Variants in THNSL1 observed in about 807,000 individuals in gnomAD.
The protein encoded by THNSL1 is threonine synthase like 1.
In THNSL1, 48 loss-of-function variants were observed where a neutral mutation model predicts 50.4. That is an observed-to-expected ratio of 0.95 (90% CI 0.76 to 1.21). The LOEUF is 1.21. THNSL1 is among the 50% of genes most tolerant of loss of function. THNSL1 has a pLI of 0.00. For missense variants in THNSL1, 896 were observed against 871.7 expected (o/e 1.03, Z -0.35); for synonymous variants, 309 against 306.1 (o/e 1.01, Z -0.10).
At chr10:25,020,274 CTA>C (rs370068893) in intron 1 of THNSL1, among the ~76,000 whole-genome samples, 167 of 97,452 alleles carry the variant, frequency 1.7e-3, no homozygotes, top group Middle Eastern at 0.011. Context: ...ATATCTATAT[CTA>C]TATATATCTA....
the THNSL1 span, among the ~76,000 whole-genome samples, chr10:24,993,292 T>C: frequency 6.6e-6 from 1 of 152,248 alleles, no homozygotes; most frequent in Admixed American, 6.5e-5. Context: ...TATATTATAC[T>C]ATTCACTCTT....
chr10:25,024,678 C>T lies in THNSL1; in HGVS notation c.1455C>T (p.Ser485=), dbSNP rs376754802. 164 of 1,614,074 alleles carry T rather than the reference C, an allele frequency of 1.0e-4. No individual in the cohort carries two copies. The highest frequency in any genetic ancestry group is 2.2e-4 in the Admixed American group (13 of 59,998). ...TTCCGCAGGTAGTTTATCATGCTTC[C>T]GCATATCTTGATCTTGTTAGTCAAG... ...RLLPQVVYHA[S]AYLDLVSQGF... is the part of the protein sequence containing the mutation. The change falls in exon 3 of 3, where the codon TCC becomes TCT. Residue 485 remains serine (S), a synonymous_variant. Coordinates refer to ENST00000376356, the MANE Select transcript of THNSL1 (RefSeq NM_024838.5).
Position 25,024,431 on chromosome 10 carries a change from T to C in THNSL1, c.1208T>C (p.Val403Ala). The change falls in exon 3 of 3, where the codon GTG becomes GCG. Residue 403 changes from valine to alanine, a missense_variant. Physicochemically the swap from Val to Ala is moderately conservative, Grantham distance 64 (BLOSUM62 0). Coordinates refer to ENST00000376356, the MANE Select transcript of THNSL1 (RefSeq NM_024838.5). ...AAGAATGATAAGCAAAGGATAGCTG[T>C]GGTTGCATTTTTTCCTGAGAATGGA... is the stretch of plus-strand genomic sequence containing the variant. ...LNKNDKQRIA[V>A]VAFFPENGVS... is the part of the protein sequence containing the mutation. 6.2e-7 allele frequency: 1 copy of C among 1,614,048 alleles called. No individual in the cohort carries two copies. The highest frequency in any genetic ancestry group is 8.5e-7 in the Non-Finnish European group (1 of 1,180,020).
chr10:24,987,537 C>A, the THNSL1 span, among the ~76,000 whole-genome samples: 1 of 152,060 alleles, frequency 6.6e-6, no homozygotes, highest in African/African-American at 2.4e-5. Flanking sequence ...AGCAGTGAGC[C>A]GTGATTGTGC....
the THNSL1 span, among the ~76,000 whole-genome samples, chr10:24,980,465 T>C: frequency 3.8e-4 from 58 of 152,284 alleles, no homozygotes; most frequent in East Asian, 1.4e-3. Flanking sequence ...CTGTTTTTTT[T>C]CTTCCAAAAC....
At chr10:24,999,293 G>T in the THNSL1 span, 1 of 1,092,042 alleles carries the variant, frequency 9.2e-7, no homozygotes, top group South Asian at 1.7e-5. Context: ...TTAATATGAG[G>T]TAAAGCTGCT....
the THNSL1 span, chr10:24,953,586 T>G: frequency 2.6e-5 from 4 of 152,342 alleles, no homozygotes; most frequent in African/African-American, 7.2e-5. Flanking sequence ...TGTCCACTCC[T>G]GTAGGTTCCT....
chr10:24,990,442 T>C, the THNSL1 span: 1 of 1,597,040 alleles, frequency 6.3e-7, no homozygotes, highest in Non-Finnish European at 8.5e-7. Context: ...TACAGATGAA[T>C]GTAAATGGCA....
the THNSL1 span, among the ~76,000 whole-genome samples, chr10:25,006,983 T>C: frequency 6.6e-6 from 1 of 152,184 alleles, no homozygotes. Context: ...ATTGAACATA[T>C]TGCTATTAAT....
At chr10:24,957,598 A>C in the THNSL1 span, among the ~76,000 whole-genome samples, 1 of 152,170 alleles carries the variant, frequency 6.6e-6, no homozygotes, top group Admixed American at 6.5e-5. Flanking sequence ...GTCCTGCCTC[A>C]GCCTCCCAAG....
chr10:24,977,932 T>C, the THNSL1 span, among the ~76,000 whole-genome samples: 1 of 152,204 alleles, frequency 6.6e-6, no homozygotes, highest in Non-Finnish European at 1.5e-5. Flanking sequence ...TAGATAAGTT[T>C]ATGTTCTTGC....
At chr10:24,953,945 C>T in the THNSL1 span, among the ~76,000 whole-genome samples, 1 of 152,208 alleles carries the variant, frequency 6.6e-6, no homozygotes, top group Non-Finnish European at 1.5e-5. Context: ...TCCCTGAAAT[C>T]AGGCATCTGC....
At chr10:25,020,570 C>A (rs1850699803) in intron 1 of THNSL1, among the ~76,000 whole-genome samples, 1 of 151,860 alleles carries the variant, frequency 6.6e-6, no homozygotes, top group Non-Finnish European at 1.5e-5. Context: ...AGTTCGAGAT[C>A]AGTCTGGGCA....
chr10:24,973,042 C>T, the THNSL1 span, among the ~76,000 whole-genome samples: 2 of 152,074 alleles, frequency 1.3e-5, no homozygotes, highest in African/African-American at 4.8e-5. Flanking sequence ...ATTAAAACAA[C>T]AAGGTGTTCA....
the THNSL1 span, among the ~76,000 whole-genome samples, chr10:24,975,780 G>A: frequency 2.0e-5 from 3 of 152,110 alleles, no homozygotes; most frequent in Non-Finnish European, 2.9e-5. Context: ...GCCAATCTTG[G>A]GTAGTATCTT....
Position 25,024,229 on chromosome 10 carries a change from A to T in THNSL1, c.1006A>T (p.Asn336Tyr). 3 of 1,614,234 alleles carry T rather than the reference A, an allele frequency of 1.9e-6. No individual in the cohort carries two copies. The highest frequency in any genetic ancestry group is 2.5e-6 in the Non-Finnish European group (3 of 1,180,032). Reference sequence around the variant, plus strand: ...TGCTCCTGTCAGGCACCTTTCAGGCAACCAGTTCATCCTGGAGTTGTTTCA... The same window carrying T: ...TGCTCCTGTCAGGCACCTTTCAGGCTACCAGTTCATCCTGGAGTTGTTTCA... Reference protein sequence around the residue: ...KIAPVRHLSGNQFILELFHGP... With the variant: ...KIAPVRHLSGYQFILELFHGP... The change falls in exon 3 of 3, where the codon AAC (asparagine) becomes TAC (tyrosine). Residue 336 changes from asparagine (N) to tyrosine (Y), a missense_variant. Transcript: ENST00000376356.
At chr10:24,959,061 G>T in the THNSL1 span, among the ~76,000 whole-genome samples, 1 of 152,162 alleles carries the variant, frequency 6.6e-6, no homozygotes, top group Non-Finnish European at 1.5e-5. Flanking sequence ...ATACTCTGTG[G>T]TTATGAACAA....
chr10:25,017,170 A>G (rs1435718700), intron 1 of THNSL1, among the ~76,000 whole-genome samples: 2 of 152,232 alleles, frequency 1.3e-5, no homozygotes, highest in African/African-American at 4.8e-5. Flanking sequence ...AACTAAGAGG[A>G]GAAGCCTTTT....
chr10:24,995,858 CAA>C, the THNSL1 span: 3 of 1,603,276 alleles, frequency 1.9e-6, no homozygotes, highest in Non-Finnish European at 1.7e-6. Context: ...ACGTTCCGAT[CAA>C]AGTTTTTTTC....
Sources: allele counts gnomAD v4.1 joint callset (sites outside exome capture counted in the v4.1 genomes callset), GRCh38; gene constraint gnomAD v4.1.1; transcripts MANE v1.5; gene names NCBI Gene and HGNC (gene_info 2026-07-23, HGNC 2026-07-21).